TEX14: variants seen among roughly 807,000 people sequenced by gnomAD.
The protein encoded by TEX14 is inactive serine/threonine-protein kinase TEX14.
TEX14 carries 168 observed loss-of-function variants against 178.6 expected under a neutral mutation model. The ratio of observed to expected loss-of-function variants is 0.94; its 90% CI spans 0.83 to 1.07. TEX14 has a LOEUF of 1.07. Ranked by LOEUF, TEX14 falls within the 50% of genes least tolerant of loss-of-function variation. The probability of loss-of-function intolerance (pLI) is 0.00; values close to 1 mark genes in which losing one functional copy is unlikely to be tolerated. For missense variants in TEX14, 1,730 were observed against 1,753.6 expected (o/e 0.99, Z 0.24); for synonymous variants, 626 against 634.1 (o/e 0.99, Z 0.19).
At chr17:58,562,386 C>T (rs1028084262) in intron 28 of TEX14, among the ~76,000 whole-genome samples, 1 of 152,228 alleles carries the variant, frequency 6.6e-6, no homozygotes, top group African/African-American at 2.4e-5. Flanking sequence ...TGATCATTCA[C>T]AGCACTGAGA....
chr17:58,644,664 T>C (rs1310139831), intron 2 of TEX14, among the ~76,000 whole-genome samples: 3 of 118,956 alleles, frequency 2.5e-5, no homozygotes, highest in African/African-American at 1.0e-4. Flanking sequence ...TTTTTTTTTT[T>C]CTGACGGAGT....
At chr17:58,600,559 C>G (rs904308192) in intron 13 of TEX14, among the ~76,000 whole-genome samples, 1 of 114,656 alleles carries the variant, frequency 8.7e-6, no homozygotes, top group Non-Finnish European at 1.9e-5. Flanking sequence ...GAAACTGTCT[C>G]AAAAAAAAAA....
intron 2 of TEX14, among the ~76,000 whole-genome samples, chr17:58,633,742 G>A (rs977248733): frequency 2.6e-5 from 4 of 152,136 alleles, no homozygotes; most frequent in Non-Finnish European, 4.4e-5. Context: ...GCCAAGGCAG[G>A]TGAATCACAA....
chr17:58,602,309 C>T (rs549514889), intron 12 of TEX14, 91 bp downstream of exon 12: 14 of 1,291,464 alleles, frequency 1.1e-5, no homozygotes, highest in Non-Finnish European at 1.4e-5. Context: ...AAATTTCTTA[C>T]AACTTGGTCT....
intron 4 of TEX14, 127 bp from the exon 5 acceptor site, chr17:58,621,913 G>C: frequency 9.4e-7 from 1 of 1,065,562 alleles, no homozygotes; most frequent in South Asian, 2.0e-5. Flanking sequence ...AAAAGGAAAG[G>C]GCCCAGGTGA....
intron 19 of TEX14, among the ~76,000 whole-genome samples, chr17:58,582,379 C>A (rs2044841980): frequency 6.6e-6 from 1 of 152,024 alleles, no homozygotes; most frequent in Non-Finnish European, 1.5e-5. Context: ...CCTGCCTCAG[C>A]CTCCTGAGTA....
At chr17:58,661,546 G>C in intron 1 of TEX14, 1 of 773,198 alleles carries the variant, frequency 1.3e-6, no homozygotes, top group South Asian at 1.4e-5. Context: ...TGCTGGAATC[G>C]AACAGCTCGG....
chr17:58,667,803 T>C (rs2047238256), intron 1 of TEX14, among the ~76,000 whole-genome samples: 1 of 151,374 alleles, frequency 6.6e-6, no homozygotes, highest in South Asian at 2.1e-4. Flanking sequence ...GAGAACTGCT[T>C]GAACCCGGGA....
At chr17:58,661,371 C>T (rs1353222687) in intron 1 of TEX14, 2 of 923,604 alleles carry the variant, frequency 2.2e-6, no homozygotes, top group South Asian at 1.3e-5. Context: ...TACTTCAGGT[C>T]GGTGGAAGTA....
intron 1 of TEX14, among the ~76,000 whole-genome samples, chr17:58,683,621 G>T (rs969305981): frequency 4.0e-5 from 6 of 151,174 alleles, no homozygotes; most frequent in African/African-American, 1.5e-4. Context: ...AAATTAGCCA[G>T]GCATAGTGGC....
intron 2 of TEX14, chr17:58,631,840 G>C (rs144201384): frequency 2.0e-5 from 3 of 152,100 alleles, no homozygotes; most frequent in African/African-American, 7.2e-5. Context: ...TAGTCTTAAT[G>C]TCCATTTATG....
intron 8 of TEX14, among the ~76,000 whole-genome samples, chr17:58,614,699 A>G (rs1598387676): frequency 6.6e-6 from 1 of 152,218 alleles, no homozygotes; most frequent in African/African-American, 2.4e-5. Flanking sequence ...AGAGAGCTCG[A>G]TAAGCCTGGG....
At chr17:58,559,764 G>T (rs1284854170) in intron 29 of TEX14, among the ~76,000 whole-genome samples, 3 of 152,050 alleles carry the variant, frequency 2.0e-5, no homozygotes, top group Admixed American at 2.0e-4. Flanking sequence ...ACTATATAAG[G>T]TAGTTACCAC....
chr17:58,616,587 C>A (rs1294167937), intron 6 of TEX14, among the ~76,000 whole-genome samples: 1 of 151,822 alleles, frequency 6.6e-6, no homozygotes, highest in Non-Finnish European at 1.5e-5. Context: ...TGCACCACCA[C>A]ACCTGGCTAA....
At position 58,631,799 on chromosome 17, in the gene TEX14, A is replaced by T. The variant is rs571824959; in HGVS notation, c.137-1245T>A. ...TACACGTTCAGATATACTCCTCGAG[A>T]AACACACTATAGAAATTATCCCTCA... On this transcript the variant is annotated intron_variant, in intron 2 of 31. Transcript: ENST00000349033. 5 of 152,070 alleles carry T rather than the reference A, an allele frequency of 3.3e-5. 1 individual carries two copies. The South Asian group carries it at 1.0e-3, about 31-fold the overall frequency. 9.4% of individuals were successfully genotyped at this position (152,070 alleles called of 1,614,324 possible). A position where few individuals can be genotyped will look rare whatever the true frequency, so the allele number is the denominator to read the frequency against.
In TEX14 at chr17:58,629,847, A is replaced by T. The variant is rs370018527; in HGVS notation, c.251+593T>A. 8.7e-5 allele frequency among the ~76,000 whole-genome samples: 13 copies of T among 150,102 alleles called. No homozygotes were observed. The East Asian group carries it at 1.7e-3, about 20-fold the overall frequency. On this transcript the variant is annotated intron_variant, in intron 3 of 31. Coordinates refer to ENST00000349033, the MANE Select transcript of TEX14 (RefSeq NM_031272.5). ...TAGACTCCGTCTGAAAAAAAAAAAA[A>T]AATAAATAAATAAAATTTAGACCAA... is the stretch of plus-strand genomic sequence containing the variant.
intron 26 of TEX14, among the ~76,000 whole-genome samples, chr17:58,566,383 T>C (rs2044398826): frequency 6.6e-6 from 1 of 152,228 alleles, no homozygotes; most frequent in Non-Finnish European, 1.5e-5. Flanking sequence ...AGTCTAGCTC[T>C]AAGGTTTATG....
intron 2 of TEX14, among the ~76,000 whole-genome samples, chr17:58,632,342 G>C (rs550273263): frequency 2.0e-5 from 3 of 152,240 alleles, no homozygotes; most frequent in Non-Finnish European, 4.4e-5. Context: ...AAACCAGGGA[G>C]TTTTTATTCT....
At chr17:58,619,429 G>A (rs1303051191) in intron 5 of TEX14, among the ~76,000 whole-genome samples, 1 of 152,164 alleles carries the variant, frequency 6.6e-6, no homozygotes, top group Non-Finnish European at 1.5e-5. Context: ...GCAAACACAC[G>A]TGTGAGGAAT....
Sources: allele counts gnomAD v4.1 joint callset (sites outside exome capture counted in the v4.1 genomes callset), GRCh38; gene constraint gnomAD v4.1.1; transcripts MANE v1.5; gene names NCBI Gene and HGNC (gene_info 2026-07-23, HGNC 2026-07-21).